KIAA0825: variants seen among roughly 807,000 people sequenced by gnomAD.
KIAA0825 encodes KIAA0825, also known as uncharacterized protein KIAA0825.
A neutral mutation model predicts 147.6 loss-of-function variants in KIAA0825; 119 were observed. The observed-to-expected ratio is 0.81, with a 90% CI of 0.69 to 0.94. The LOEUF (loss-of-function observed/expected upper bound fraction) is 0.94. Among genes scored for constraint, KIAA0825 ranks in the 40% least tolerant of loss-of-function variants. The pLI is 0.00. For missense variants in KIAA0825, 1,381 were observed against 1,472.7 expected, an observed-to-expected ratio of 0.94 and a Z score of 1.02; for synonymous variants, 470 against 518.1, an observed-to-expected ratio of 0.91 and a Z score of 1.26.
chr5:94,417,364 T>C lies in KIAA0825; in HGVS notation c.2499A>G (p.Lys833=), dbSNP rs764513097. ...GGTTATTTTCTGTGTCGGAAACTTG[T>C]TCTTGAAAGGTACGTTCTTGAAAGG... The part of the protein sequence containing the change: ...LLLRILLKSS[K]QVSDTENNLN... Residue 833 remains lysine, a splice_region_variant and synonymous_variant, in exon 15 of 21, where the codon AAA becomes AAG. Coordinates refer to ENST00000682413, the MANE Select transcript of KIAA0825 (RefSeq NM_001145678.3). 2.6e-6 allele frequency: 4 copies of C among 1,542,276 alleles called. No homozygotes were observed. The South Asian group carries it at 3.6e-5, about 14-fold the overall frequency.
intron 11 of KIAA0825, among the ~76,000 whole-genome samples, chr5:94,463,077 C>A (rs151230165): frequency 1.6e-3 from 237 of 151,894 alleles, no homozygotes; most frequent in Non-Finnish European, 2.2e-3. Flanking sequence ...AAGCTCAAAT[C>A]GAGAAGCCTA....
intron 1 of KIAA0825, among the ~76,000 whole-genome samples, chr5:94,603,196 A>G (rs929900123): frequency 3.3e-5 from 5 of 152,174 alleles, no homozygotes; most frequent in African/African-American, 1.2e-4. Flanking sequence ...TCACTTATAA[A>G]GGGAAGCCCA....
intron 20 of KIAA0825, among the ~76,000 whole-genome samples, chr5:94,234,303 G>A (rs568506190): frequency 1.4e-4 from 21 of 151,744 alleles, no homozygotes; most frequent in Non-Finnish European, 2.6e-4. Context: ...CCCGGGAGGC[G>A]GAGCTTGCAG....
intron 14 of KIAA0825, among the ~76,000 whole-genome samples, chr5:94,428,716 G>T (rs1755242634): frequency 6.6e-6 from 1 of 152,026 alleles, no homozygotes; most frequent in South Asian, 2.1e-4. Flanking sequence ...ATAGTCTGGT[G>T]ACCATATTAC....
intron 3 of KIAA0825, among the ~76,000 whole-genome samples, chr5:94,525,313 G>T (rs1289503140): frequency 4.0e-5 from 6 of 151,864 alleles, no homozygotes; most frequent in Admixed American, 3.9e-4. Context: ...ATTCATCCAG[G>T]TGTGGGTTGC....
At chr5:94,160,437 A>ATG (rs943026745) in intron 20 of KIAA0825, among the ~76,000 whole-genome samples, 1 of 149,874 alleles carries the variant, frequency 6.7e-6, no homozygotes, top group Non-Finnish European at 1.5e-5. Context: ...TACAGTATAT[A>ATG]TGTATATAGT....
At chr5:94,496,560 C>T (rs989846370) in intron 5 of KIAA0825, among the ~76,000 whole-genome samples, 2 of 151,998 alleles carry the variant, frequency 1.3e-5, no homozygotes, top group African/African-American at 4.8e-5. Flanking sequence ...GGTAGATGTA[C>T]CTGATAGCAA....
intron 20 of KIAA0825, among the ~76,000 whole-genome samples, chr5:94,341,922 G>A (rs760865314): frequency 1.2e-4 from 18 of 152,102 alleles, no homozygotes; most frequent in East Asian, 3.9e-4. Context: ...GGCCAGACGC[G>A]GTGGCTCATG....
At chr5:94,382,294 A>G (rs1447123835) in intron 20 of KIAA0825, among the ~76,000 whole-genome samples, 1 of 152,228 alleles carries the variant, frequency 6.6e-6, no homozygotes. Context: ...TATCTTTCAG[A>G]TAACCATGTT....
intron 20 of KIAA0825, among the ~76,000 whole-genome samples, chr5:94,269,666 T>C (rs1015989475): frequency 1.3e-5 from 2 of 152,022 alleles, no homozygotes; most frequent in African/African-American, 2.4e-5. Flanking sequence ...GTGAAAACAG[T>C]ACTAAGAGGA....
intron 13 of KIAA0825, 105 bp downstream of exon 13, chr5:94,452,854 C>G: frequency 1.7e-6 from 1 of 574,632 alleles, no homozygotes; most frequent in African/African-American, 2.0e-5. Flanking sequence ...GTCGTAAGTT[C>G]TTTTTGTAAG....
In KIAA0825 at chr5:94,421,728, G is replaced by A. The variant is rs566928758; in HGVS notation, c.2498-4363C>T. ...TATATCAATCTAAACTCCTCTAGCT[G>A]CCTTTTAAAGTCCTCCATAATGCCT... is the stretch of plus-strand genomic sequence containing the variant. On this transcript the variant is annotated intron_variant, in intron 14 of 20. Transcript: ENST00000682413. Among the ~76,000 whole-genome samples, 39 of 152,122 alleles carry A rather than the reference G, an allele frequency of 2.6e-4. No individual in the cohort carries two copies. In the South Asian group the frequency reaches 7.9e-3, roughly 31 times the overall value.
chr5:94,233,658 T>C (rs995858656), intron 20 of KIAA0825, among the ~76,000 whole-genome samples: 1 of 152,286 alleles, frequency 6.6e-6, no homozygotes, highest in South Asian at 2.1e-4. Flanking sequence ...AGGGGTTGCA[T>C]GGTGAAGAGG....
intron 20 of KIAA0825, among the ~76,000 whole-genome samples, chr5:94,327,852 A>C (rs1780854913): frequency 6.6e-6 from 1 of 152,002 alleles, no homozygotes; most frequent in Admixed American, 6.6e-5. Context: ...CTAAGAATAC[A>C]AAAATTAGCT....
At chr5:94,464,228 G>A (rs1045091121) in intron 11 of KIAA0825, among the ~76,000 whole-genome samples, 2 of 152,110 alleles carry the variant, frequency 1.3e-5, no homozygotes, top group Non-Finnish European at 2.9e-5. Flanking sequence ...CTGTAGTCAT[G>A]TAAGCACAAT....
At chr5:94,572,594 A>G (rs1292278861) in intron 2 of KIAA0825, among the ~76,000 whole-genome samples, 7 of 152,210 alleles carry the variant, frequency 4.6e-5, no homozygotes, top group Admixed American at 4.6e-4. Flanking sequence ...TAAAAATTAT[A>G]ATCTACCTTT....
chr5:94,385,296 G>A (rs1318995292), intron 19 of KIAA0825, among the ~76,000 whole-genome samples: 3 of 152,116 alleles, frequency 2.0e-5, no homozygotes, highest in African/African-American at 7.2e-5. Context: ...GCTATCCCCT[G>A]TCACCTGCTG....
intron 19 of KIAA0825, among the ~76,000 whole-genome samples, chr5:94,385,933 A>G (rs866288782): frequency 6.6e-6 from 1 of 152,168 alleles, no homozygotes; most frequent in African/African-American, 2.4e-5. Flanking sequence ...AAGGGAGGAA[A>G]GGAATGTTAC....
In KIAA0825 at chr5:94,153,792, T is replaced by G; in HGVS notation, c.*215A>C. 1 of 393,350 alleles carries G rather than the reference T, an allele frequency of 2.5e-6. No individual in the cohort carries two copies. The highest frequency in any genetic ancestry group is 3.7e-5 in the East Asian group (1 of 26,806). The allele number at this position is 393,350 out of a possible 1,614,324, so 24.4% of individuals were successfully genotyped here. On this transcript the variant is annotated 3_prime_UTR_variant, in exon 21 of 21. Transcript: ENST00000682413. ...CAGTTATATCATATAAAGAGAAAGA[T>G]TGGGGAAAGAAAAACATTTGAAATT...
Sources: allele counts gnomAD v4.1 joint callset (sites outside exome capture counted in the v4.1 genomes callset), GRCh38; gene constraint gnomAD v4.1.1; transcripts MANE v1.5; gene names NCBI Gene and HGNC (gene_info 2026-07-23, HGNC 2026-07-21).